Variants in DPYSL5 observed in about 807,000 individuals in gnomAD.
The protein encoded by DPYSL5 is dihydropyrimidinase like 5.
In DPYSL5, 9 loss-of-function variants were observed where a neutral mutation model predicts 58.4. The observed-to-expected ratio is 0.15, with a 90% confidence interval of 0.09 to 0.27. The LOEUF is 0.27. Ranked by LOEUF, DPYSL5 falls within the 10% of genes least tolerant of loss-of-function variation. The pLI is 1.00. For missense variants in DPYSL5, 499 were observed against 770.6 expected (o/e 0.65, Z 4.17); for synonymous variants, 293 against 301.9 (o/e 0.97, Z 0.31).
chr2:26,945,107 G>T (rs1181848150), intron 12 of DPYSL5, among the ~76,000 whole-genome samples: 1 of 151,998 alleles, frequency 6.6e-6, no homozygotes, highest in Non-Finnish European at 1.5e-5. Context: ...ACATCTTGAG[G>T]GCTGTGCACA....
At chr2:26,894,250 A>C (rs1417061416) in intron 1 of DPYSL5, among the ~76,000 whole-genome samples, 1 of 151,662 alleles carries the variant, frequency 6.6e-6, no homozygotes, top group Non-Finnish European at 1.5e-5. Flanking sequence ...ACCCCATTTC[A>C]CTTCTCAGGT....
intron 2 of DPYSL5, among the ~76,000 whole-genome samples, chr2:26,903,486 G>T (rs1342838420): frequency 6.6e-6 from 1 of 152,158 alleles, no homozygotes; most frequent in Non-Finnish European, 1.5e-5. Flanking sequence ...GAAAGATCCA[G>T]TGTCCAGTCC....
chr2:26,875,587 G>T lies in DPYSL5; in HGVS notation c.-4-22909G>T, dbSNP rs552707769. On this transcript the variant is annotated intron_variant, in intron 1 of 12. Transcript: ENST00000288699. ...TGGGCCTGCCCTCAGCAACAGAGGA[G>T]TTGGAGCTTAGAGTCAGGGCTTGTC... Among the ~76,000 whole-genome samples, 102 of 152,320 alleles carry T rather than the reference G, an allele frequency of 6.7e-4. 1 individual carries two copies. The South Asian group carries it at 0.021, about 31-fold the overall frequency.
At chr2:26,923,312 CAG>C (rs1364854176) in intron 2 of DPYSL5, among the ~76,000 whole-genome samples, 1 of 152,194 alleles carries the variant, frequency 6.6e-6, no homozygotes, top group Non-Finnish European at 1.5e-5. Flanking sequence ...GCCTGGGCAA[CAG>C]AGTGAGACCC....
chr2:26,936,679 T>C (rs1665187659), intron 8 of DPYSL5, among the ~76,000 whole-genome samples: 1 of 152,124 alleles, frequency 6.6e-6, no homozygotes, highest in Non-Finnish European at 1.5e-5. Context: ...TGGCTGGGCA[T>C]GGTGGCTCGC....
Position 26,940,143 on chromosome 2 carries a change from C to G in DPYSL5, c.1060C>G (p.Arg354Gly). The part of the protein sequence containing the change: ...IPHGVSGVQD[R>G]MSVIWERGVV... ...ACATGGAGTGAGTGGCGTGCAGGAC[C>G]GCATGAGCGTCATCTGGGAGAGAGG... The change falls in exon 9 of 13, where the codon CGC (arginine) becomes GGC (glycine). Residue 354 changes from arginine (R) to glycine (G), a missense_variant. By Grantham distance (125) the Arg-to-Gly change is moderately radical. Transcript: ENST00000288699. The G allele has an allele frequency of 6.2e-7, 1 of 1,614,108 alleles. No individual in the cohort carries two copies. The highest frequency in any genetic ancestry group is 8.5e-7 in the Non-Finnish European group (1 of 1,180,024).
At chr2:26,931,203 G>GTGTATATATATATATATATATATATA (rs1474347605) in intron 5 of DPYSL5, among the ~76,000 whole-genome samples, 5 of 44,918 alleles carry the variant, frequency 1.1e-4, no homozygotes, top group Non-Finnish European at 2.1e-4. Flanking sequence ...GTGTGTGTGT[G>GTGTATATATATATATATATATATATA]TATATATATA....
chr2:26,874,777 T>G (rs1331790600), intron 1 of DPYSL5, among the ~76,000 whole-genome samples: 1 of 152,234 alleles, frequency 6.6e-6, no homozygotes, highest in Non-Finnish European at 1.5e-5. Context: ...TTTGATTGAT[T>G]CCACCTTTGT....
rs796906641 is a variant in DPYSL5, at chr2:26,949,069, T to C, written c.*2074T>C. Reference sequence around the variant, plus strand: ...GTGATGACCCTCCCAACCTTGGCTATCTACCCCACCTGTGGAGAGGAGGTC... The same window carrying C: ...GTGATGACCCTCCCAACCTTGGCTACCTACCCCACCTGTGGAGAGGAGGTC... On this transcript the variant is annotated 3_prime_UTR_variant, in exon 13 of 13. Coordinates refer to ENST00000288699, the MANE Select transcript of DPYSL5 (RefSeq NM_020134.4). The C allele has an allele frequency of 2.6e-5, 4 of 152,200 alleles. No homozygotes were observed. Among genetic ancestry groups the C allele is most frequent in the South Asian group, 4.1e-4 (2 of 4,834 alleles). The allele number at this position is 152,200 out of a possible 1,614,324, so 9.4% of individuals were successfully genotyped here.
At position 26,931,203 on chromosome 2, in the gene DPYSL5, G is replaced by GTATATATATATATATATATATA. The variant is rs373034710; in HGVS notation, c.670-431_670-410dup. ...TGTGTGTGTGTGTGTGTGTGTGTGT[G>GTATATATATATATATATATATA]TATATATATATATATATATATATAT... On this transcript the variant is annotated intron_variant, in intron 5 of 12. Coordinates refer to ENST00000288699, the MANE Select transcript of DPYSL5 (RefSeq NM_020134.4). 6.1e-3 allele frequency among the ~76,000 whole-genome samples: 273 copies of GTATATATATATATATATATATA among 44,854 alleles called. 21 individuals carry two copies. The highest frequency in any genetic ancestry group is 9.6e-3 in the Non-Finnish European group (225 of 23,408). 29.4% of individuals were successfully genotyped at this position (44,854 alleles called of 152,430 possible).
intron 1 of DPYSL5, among the ~76,000 whole-genome samples, chr2:26,865,998 G>A (rs980407480): frequency 5.9e-5 from 9 of 152,188 alleles, no homozygotes; most frequent in Non-Finnish European, 1.3e-4. Context: ...CCCGGTGGGT[G>A]TTTGTCTGCA....
In DPYSL5 at chr2:26,944,684, C is replaced by G. The variant is rs1301464341; in HGVS notation, c.1469C>G (p.Thr490Ser). ...TTAAAGGTTAGAGGAGTGGACCGCA[C>G]TCCCTACCTGGGGGATGTCGCTGTT... is the stretch of plus-strand genomic sequence containing the variant. The part of the protein sequence containing the change: ...KTLKVRGVDR[T>S]PYLGDVAVVV... Residue 490 changes from threonine (T) to serine (S), a missense_variant, in exon 12 of 13, where the codon ACT (threonine) becomes AGT (serine). Thr to Ser is a moderately conservative substitution (Grantham distance 58). Around this residue, in one of 3 missense-constraint regions of DPYSL5, gnomAD observed 62 missense variants for 59.2 expected, o/e 1.05. Transcript: ENST00000288699. This position sits in a 1 kb window ranked among gnomAD's most constrained non-coding sequence, Gnocchi z 4.4. The G allele has an allele frequency of 1.2e-6, 2 of 1,614,110 alleles. No homozygotes were observed. The highest frequency in any genetic ancestry group is 1.7e-6 in the Non-Finnish European group (2 of 1,179,988).
intron 2 of DPYSL5, among the ~76,000 whole-genome samples, chr2:26,910,616 C>CTTTTTTTT (rs34929540): frequency 5.0e-4 from 59 of 118,470 alleles, no homozygotes; most frequent in Non-Finnish European, 5.8e-4. Context: ...TCTTCTTCTT[C>CTTTTTTTT]TTTTTTTTTT....
At chr2:26,859,607 A>G (rs890284715) in intron 1 of DPYSL5, among the ~76,000 whole-genome samples, 7 of 152,224 alleles carry the variant, frequency 4.6e-5, no homozygotes, top group African/African-American at 7.2e-5. Context: ...TTGGAGGACA[A>G]AAGATTCCAA....
rs561186311 is a variant in DPYSL5 at position 26,905,480 on chromosome 2, C to A, written c.261+6720C>A. On this transcript the variant is annotated intron_variant, in intron 2 of 12. Coordinates refer to ENST00000288699, the MANE Select transcript of DPYSL5 (RefSeq NM_020134.4). The surrounding 1 kb of genome is among the most constrained non-coding windows in gnomAD (Gnocchi z 4.0). ...CACTGTGCACCGAGTGCCCATGCTA[C>A]CTGTGTCCCTGGGCTTGGCCAGCAG... is the stretch of plus-strand genomic sequence containing the variant. Among the ~76,000 whole-genome samples, 1 of 152,332 alleles carries A rather than the reference C, an allele frequency of 6.6e-6. No individual in the cohort carries two copies. The highest frequency in any genetic ancestry group is 1.9e-4 in the East Asian group (1 of 5,178).
intron 1 of DPYSL5, among the ~76,000 whole-genome samples, chr2:26,888,046 T>A (rs827882): frequency 0.028 from 4,218 of 152,266 alleles, 206 homozygotes; most frequent in African/African-American, 0.096. Flanking sequence ...ACACCTTCCC[T>A]TTAGTCCTGG....
chr2:26,865,544 A>T (rs1666120495), intron 1 of DPYSL5, among the ~76,000 whole-genome samples: 1 of 151,880 alleles, frequency 6.6e-6, no homozygotes, highest in Admixed American at 6.6e-5. Flanking sequence ...TGATCTCCTG[A>T]CCTCGTGATC....
chr2:26,917,651 C>T (rs1048844153), intron 2 of DPYSL5, among the ~76,000 whole-genome samples: 1 of 152,120 alleles, frequency 6.6e-6, no homozygotes, highest in South Asian at 2.1e-4. Flanking sequence ...ACCCCCCACC[C>T]ATGTGAATTA....
At position 26,927,660 on chromosome 2, in the gene DPYSL5, G is replaced by A. The variant is rs1037923472; in HGVS notation, c.600+228G>A. On this transcript the variant is annotated intron_variant, in intron 4 of 12. Coordinates refer to ENST00000288699, the MANE Select transcript of DPYSL5 (RefSeq NM_020134.4). This position sits in a 1 kb window ranked among gnomAD's most constrained non-coding sequence, Gnocchi z 4.3. Reference sequence around the variant, plus strand: ...TATGGTTCAAAAAGGCTTCTAAGTCGTAGGTGATGATGTCTTAATTCTAAT... The same window carrying A: ...TATGGTTCAAAAAGGCTTCTAAGTCATAGGTGATGATGTCTTAATTCTAAT... Among the ~76,000 whole-genome samples the A allele has an allele frequency of 4.6e-5, 7 of 152,224 alleles. No homozygotes were observed. The highest frequency in any genetic ancestry group is 2.1e-4 in the South Asian group (1 of 4,824).
Sources: gnomAD v4.1 joint callset for allele counts (sites outside exome capture counted in the v4.1 genomes callset) on GRCh38, gnomAD v4.1.1 for gene constraint, gnomAD v4.1.1 regional missense constraint, Gnocchi (gnomAD v3.1) non-coding constraint, MANE v1.5 for transcripts, NCBI Gene and HGNC (gene_info 2026-07-23, HGNC 2026-07-21) for gene names.